ARHGAP44: variants seen among roughly 807,000 people sequenced by gnomAD.
The protein encoded by ARHGAP44 is rho GTPase-activating protein 44.
ARHGAP44 carries 43 observed loss-of-function variants against 106.8 expected under a neutral mutation model. The ratio of observed to expected loss-of-function variants is 0.40; its 90% CI spans 0.32 to 0.52. ARHGAP44 has a LOEUF of 0.52. Ranked by LOEUF, ARHGAP44 falls within the 20% of genes least tolerant of loss-of-function variation. The probability of loss-of-function intolerance (pLI) is 0.48; values close to 1 mark genes in which losing one functional copy is unlikely to be tolerated. For missense variants in ARHGAP44, 866 were observed against 1,050.5 expected (o/e 0.82, Z 2.43); for synonymous variants, 439 against 410.3 (o/e 1.07, Z -0.85).
intron 3 of ARHGAP44, among the ~76,000 whole-genome samples, chr17:12,898,202 A>G (rs2037270202): frequency 6.6e-6 from 1 of 152,132 alleles, no homozygotes; most frequent in Admixed American, 6.5e-5. Context: ...AGTTTGAATT[A>G]TTACGGACGA....
intron 3 of ARHGAP44, among the ~76,000 whole-genome samples, chr17:12,906,206 C>T (rs917448561): frequency 2.0e-5 from 3 of 152,208 alleles, no homozygotes; most frequent in African/African-American, 7.2e-5. Context: ...CTCTGAAAAA[C>T]AGACTCTGTT....
intron 1 of ARHGAP44, among the ~76,000 whole-genome samples, chr17:12,866,603 T>A (rs1042536724): frequency 1.3e-5 from 2 of 152,332 alleles, no homozygotes; most frequent in East Asian, 3.9e-4. Flanking sequence ...ACAGAGTTTA[T>A]TAACATGTGC....
At chr17:12,801,187 C>G (rs1396137618) in intron 1 of ARHGAP44, among the ~76,000 whole-genome samples, 1 of 152,216 alleles carries the variant, frequency 6.6e-6, no homozygotes, top group African/African-American at 2.4e-5. Context: ...AACATAGAGT[C>G]TGAGAAAGGA....
chr17:12,877,833 C>T (rs72813173), intron 1 of ARHGAP44, among the ~76,000 whole-genome samples: 1,730 of 152,270 alleles, frequency 0.011, 8 homozygotes, highest in Middle Eastern at 0.027. Flanking sequence ...GCCTTAAGTG[C>T]AGCCTTGCTG....
rs1252386302 is a variant in ARHGAP44 at position 12,798,637 on chromosome 17, A to AT, written c.53+8747dup. ...GACTATGGTGTGTTCATATTTTTCA[A>AT]TACTGCTTGATTTAATTTGTTATTT... is the stretch of plus-strand genomic sequence containing the variant. On this transcript the variant is annotated intron_variant, in intron 1 of 20. Transcript: ENST00000379672. Among the ~76,000 whole-genome samples the AT allele has an allele frequency of 3.3e-5, 5 of 152,150 alleles. No homozygotes were observed. The South Asian group carries it at 1.0e-3, about 31-fold the overall frequency.
chr17:12,896,964 T>A (rs2037223921), intron 3 of ARHGAP44, among the ~76,000 whole-genome samples: 1 of 152,194 alleles, frequency 6.6e-6, no homozygotes, highest in African/African-American at 2.4e-5. Flanking sequence ...TTGAAAATTG[T>A]TTTCGCCCTA....
chr17:12,987,120 C>T (rs2143471205), intron 20 of ARHGAP44: 1 of 1,534,688 alleles, frequency 6.5e-7, no homozygotes, highest in Non-Finnish European at 8.7e-7. Context: ...ATGAGTGGCG[C>T]AGTTTTGGAT....
intron 16 of ARHGAP44, 176 bp downstream of exon 16, chr17:12,959,073 C>T (rs1053107554): frequency 2.3e-5 from 17 of 744,474 alleles, no homozygotes; most frequent in East Asian, 1.4e-4. Context: ...TTTGGCTTGC[C>T]GCCCTTTAGA....
chr17:12,987,219 TC>T, intron 20 of ARHGAP44: 1 of 1,391,014 alleles, frequency 7.2e-7, no homozygotes, highest in South Asian at 1.3e-5. Context: ...GCTCCTCCCC[TC>T]CGCTCCTCGT....
Position 12,944,131 on chromosome 17 carries a change from C to A in ARHGAP44, c.796C>A (p.Arg266=), listed in dbSNP as rs762885019. ...GGAGGAGCACCTCACCATCAGCGGC[C>A]GGGAGATCGCCTTCCCCATCGAGGC... ...PLEEHLTISG[R]EIAFPIEACV... The change falls in exon 10 of 21, where the codon CGG becomes AGG. Residue 266 remains arginine (R), a synonymous_variant. Transcript: ENST00000379672. The A allele has an allele frequency of 1.9e-6, 3 of 1,612,696 alleles. No homozygotes were observed. Among genetic ancestry groups the A allele is most frequent in the Non-Finnish European group, 2.5e-6 (3 of 1,179,760 alleles).
intron 6 of ARHGAP44, among the ~76,000 whole-genome samples, chr17:12,923,642 T>A (rs1203106612): frequency 6.6e-6 from 1 of 152,152 alleles, no homozygotes; most frequent in Non-Finnish European, 1.5e-5. Context: ...TCCCCATAAG[T>A]ATGAGTTATA....
At chr17:12,809,953 A>G (rs1186087807) in intron 1 of ARHGAP44, among the ~76,000 whole-genome samples, 4 of 151,874 alleles carry the variant, frequency 2.6e-5, no homozygotes. Context: ...GGCAGGTGGG[A>G]TGAGGGGCTG....
At chr17:12,808,531 G>C (rs1171530412) in intron 1 of ARHGAP44, among the ~76,000 whole-genome samples, 1 of 152,232 alleles carries the variant, frequency 6.6e-6, no homozygotes, top group Non-Finnish European at 1.5e-5. Flanking sequence ...AAGGCATAGG[G>C]CTTGCATCCT....
At chr17:12,873,415 G>A (rs1293364283) in intron 1 of ARHGAP44, among the ~76,000 whole-genome samples, 1 of 152,140 alleles carries the variant, frequency 6.6e-6, no homozygotes, top group Admixed American at 6.5e-5. Flanking sequence ...ACAGCTTAGT[G>A]TTATATGAAG....
chr17:12,893,542 C>T (rs898170222), intron 1 of ARHGAP44, among the ~76,000 whole-genome samples: 7 of 152,118 alleles, frequency 4.6e-5, no homozygotes, highest in Admixed American at 3.3e-4. Context: ...TAGTGATAGA[C>T]GCTTCCACTC....
At chr17:12,960,604 G>A (rs1389108914) in intron 16 of ARHGAP44, among the ~76,000 whole-genome samples, 1 of 151,700 alleles carries the variant, frequency 6.6e-6, no homozygotes, top group Non-Finnish European at 1.5e-5. Context: ...TCTGTCACCC[G>A]GGCTGGAGTG....
Position 12,944,116 on chromosome 17 carries a change from C to G in ARHGAP44, c.781C>G (p.Leu261Val), listed in dbSNP as rs2038781547. The stretch of plus-strand genomic sequence containing the variant: ...CTTCGGGAAGCCGCTGGAGGAGCAC[C>G]TCACCATCAGCGGCCGGGAGATCGC... ...PSFGKPLEEHLTISGREIAFP... is the reference protein window; with the variant it reads ...PSFGKPLEEHVTISGREIAFP... The change falls in exon 10 of 21, where the codon CTC (leucine) becomes GTC (valine). Residue 261 changes from leucine to valine, a missense_variant. Leu to Val is a conservative substitution (Grantham distance 32). This residue lies in a region of ARHGAP44 where 448 missense variants were observed against 646.9 expected (regional missense o/e 0.69). Transcript: ENST00000379672. 1 of 1,612,886 alleles carries G rather than the reference C, an allele frequency of 6.2e-7. No homozygotes were observed. The highest frequency in any genetic ancestry group is 8.5e-7 in the Non-Finnish European group (1 of 1,179,718).
intron 4 of ARHGAP44, among the ~76,000 whole-genome samples, chr17:12,911,021 G>T (rs551992149): frequency 6.9e-6 from 1 of 144,796 alleles, no homozygotes; most frequent in African/African-American, 2.6e-5. Context: ...AAAAATACAT[G>T]GAAGGGACTA....
At chr17:12,920,629 G>A (rs1213074552) in intron 6 of ARHGAP44, among the ~76,000 whole-genome samples, 1 of 152,134 alleles carries the variant, frequency 6.6e-6, no homozygotes, top group African/African-American at 2.4e-5. Flanking sequence ...AAGGAGCAAA[G>A]GGAAGAGAAG....
Sources: allele counts gnomAD v4.1 joint callset (sites outside exome capture counted in the v4.1 genomes callset), GRCh38; gene constraint gnomAD v4.1.1; regional missense constraint gnomAD v4.1.1; transcripts MANE v1.5; gene names NCBI Gene and HGNC (gene_info 2026-07-23, HGNC 2026-07-21).